Variants in NFATC2 observed in about 807,000 individuals in gnomAD.
NFATC2 encodes nuclear factor of activated T cells 2, also known as nuclear factor of activated T-cells, cytoplasmic 2.
Under a neutral mutation model 87.3 loss-of-function variants are expected in NFATC2, and 22 were observed. The observed-to-expected ratio is 0.25, with a 90% CI of 0.18 to 0.36. The LOEUF (loss-of-function observed/expected upper bound fraction) is 0.36. Among genes scored for constraint, NFATC2 ranks in the 10% least tolerant of loss-of-function variants. The probability of loss-of-function intolerance (pLI) is 1.00; values close to 1 mark genes in which losing one functional copy is unlikely to be tolerated. For synonymous variants in NFATC2, 565 were observed against 542.2 expected, an observed-to-expected ratio of 1.04 and a Z score of -0.58; for missense variants, 1,149 against 1,259.1, an observed-to-expected ratio of 0.91 and a Z score of 1.32.
At chr20:51,430,395 C>T (rs1204676628) in intron 9 of NFATC2, among the ~76,000 whole-genome samples, 10 of 152,210 alleles carry the variant, frequency 6.6e-5, no homozygotes, top group Admixed American at 5.9e-4. Context: ...GCACCAAAAC[C>T]TTATCTTCAC....
At chr20:51,459,370 G>A (rs998749929) in intron 5 of NFATC2, among the ~76,000 whole-genome samples, 3 of 152,174 alleles carry the variant, frequency 2.0e-5, no homozygotes, top group African/African-American at 7.2e-5. Context: ...GAGAGACGGA[G>A]AGCAGATCGG....
At chr20:51,420,530 CAAAT>C (rs1227744284) in intron 9 of NFATC2, among the ~76,000 whole-genome samples, 1 of 151,978 alleles carries the variant, frequency 6.6e-6, no homozygotes, top group African/African-American at 2.4e-5. Context: ...ATTTTTTCAA[CAAAT>C]AAATTGCAAT....
chr20:51,460,379 G>T (rs1987012316), intron 5 of NFATC2, among the ~76,000 whole-genome samples: 1 of 152,138 alleles, frequency 6.6e-6, no homozygotes, highest in African/African-American at 2.4e-5. Flanking sequence ...AAATGGGGCT[G>T]TTAACAGTCC....
At chr20:51,449,258 C>T (rs1985475501) in intron 6 of NFATC2, among the ~76,000 whole-genome samples, 2 of 152,124 alleles carry the variant, frequency 1.3e-5, no homozygotes. Context: ...AGAAGTTGAG[C>T]AACAGGGATT....
In NFATC2 at chr20:51,523,200, C is replaced by A. The variant is rs946463588; in HGVS notation, c.1041G>T (p.Pro347=). Residue 347 remains proline (P), a synonymous_variant, in exon 2 of 11, where the codon CCG becomes CCT. Transcript: ENST00000371564. The surrounding 1 kb of genome is among the most constrained non-coding windows in gnomAD (Gnocchi z 6.9). ...CGCAGGGCCCCAGGAACTCCACGGCCGGGTAGATGTGGCGAGGCAGGCCGG... is the reference window on the plus strand; with the variant it reads ...CGCAGGGCCCCAGGAACTCCACGGCAGGGTAGATGTGGCGAGGCAGGCCGG... The part of the protein sequence containing the change: ...SKAGLPRHIY[P]AVEFLGPCEQ... 1.2e-5 allele frequency: 19 copies of A among 1,614,074 alleles called. No homozygotes were observed. Among genetic ancestry groups the A allele is most frequent in the Non-Finnish European group, 1.6e-5 (19 of 1,179,954 alleles).
At chr20:51,531,996 C>T (rs1330031974) in intron 1 of NFATC2, among the ~76,000 whole-genome samples, 9 of 152,104 alleles carry the variant, frequency 5.9e-5, no homozygotes, top group Admixed American at 5.9e-4. Context: ...CTTCCAACAC[C>T]CTCTCCATTC....
intron 3 of NFATC2, among the ~76,000 whole-genome samples, chr20:51,479,856 G>A (rs759904751): frequency 5.9e-5 from 9 of 152,128 alleles, no homozygotes; most frequent in East Asian, 1.9e-4. Flanking sequence ...CTCAGGCTCC[G>A]AACCCACCCG....
At chr20:51,444,363 C>T (rs1322455580) in intron 6 of NFATC2, among the ~76,000 whole-genome samples, 2 of 151,860 alleles carry the variant, frequency 1.3e-5, no homozygotes, top group African/African-American at 4.8e-5. Context: ...GAATGGGCAT[C>T]GCTAACCAGC....
At chr20:51,447,534 G>A (rs989107408) in intron 6 of NFATC2, among the ~76,000 whole-genome samples, 2 of 152,220 alleles carry the variant, frequency 1.3e-5, no homozygotes, top group African/African-American at 4.8e-5. Flanking sequence ...CCCAGGCGCA[G>A]CGAGTCGCTC....
rs1043492223 is a variant in NFATC2, at chr20:51,390,478, G to C, written c.*1018C>G. 6.6e-6 allele frequency: 1 copy of C among 152,156 alleles called. No homozygotes were observed. Among genetic ancestry groups the C allele is most frequent in the Non-Finnish European group, 1.5e-5 (1 of 68,028 alleles). 9.4% of individuals were successfully genotyped at this position (152,156 alleles called of 1,614,324 possible). A position where few individuals can be genotyped will look rare whatever the true frequency, so the allele number is the denominator to read the frequency against. On this transcript the variant is annotated 3_prime_UTR_variant, in exon 11 of 11. Coordinates refer to ENST00000371564, the MANE Select transcript of NFATC2 (RefSeq NM_012340.5). ...TGCTTGAGATTCTCCACCGCTTTAC[G>C]GAAAAGCACTCTGGCTGCTAGGAAG...
At chr20:51,477,580 T>TATATATATATAA (rs1491275592) in intron 3 of NFATC2, among the ~76,000 whole-genome samples, 2 of 69,998 alleles carry the variant, frequency 2.9e-5, no homozygotes, top group Non-Finnish European at 6.4e-5. Context: ...TATATATATA[T>TATATATATATAA]AAAATAACAA....
intron 9 of NFATC2, among the ~76,000 whole-genome samples, chr20:51,425,311 T>C (rs531089470): frequency 2.2e-4 from 33 of 152,332 alleles, no homozygotes; most frequent in African/African-American, 7.2e-4. Flanking sequence ...GCCTGGCCTT[T>C]TATTGGTGTC....
At chr20:51,498,823 G>A (rs912334378) in intron 3 of NFATC2, among the ~76,000 whole-genome samples, 4 of 152,216 alleles carry the variant, frequency 2.6e-5, no homozygotes, top group Admixed American at 6.5e-5. Context: ...GATGATGGCA[G>A]GAGAGAAAGG....
chr20:51,523,966 A>G lies in NFATC2; in HGVS notation c.275T>C (p.Val92Ala), dbSNP rs772456842. The G allele has an allele frequency of 1.0e-5, 16 of 1,585,756 alleles. No homozygotes were observed. In the South Asian group the frequency reaches 1.8e-4, roughly 18 times the overall value. The change falls in exon 2 of 11, where the codon GTA (valine) becomes GCA (alanine). Residue 92 changes from valine (V) to alanine (A), a missense_variant. By Grantham distance (64) the Val-to-Ala change is moderately conservative. This residue lies in a region of NFATC2 where 563 missense variants were observed against 585.2 expected (regional missense o/e 0.96). Coordinates refer to ENST00000371564, the MANE Select transcript of NFATC2 (RefSeq NM_012340.5). The surrounding 1 kb of genome is among the most constrained non-coding windows in gnomAD (Gnocchi z 6.9). Reference protein sequence around the residue: ...PPGRFGEPDRVGPQKFLSAAK... With the variant: ...PPGRFGEPDRAGPQKFLSAAK... ...CGCGCTCAGAAACTTCTGCGGCCCT[A>G]CCCTATCCGGCTCTCCGAATCGGCC...
At chr20:51,509,438 C>T (rs1187049945) in intron 3 of NFATC2, among the ~76,000 whole-genome samples, 2 of 152,182 alleles carry the variant, frequency 1.3e-5, no homozygotes, top group Non-Finnish European at 2.9e-5. Flanking sequence ...AGCAAATGAA[C>T]CCCAGTGATC....
Position 51,391,451 on chromosome 20 carries a change from A to G in NFATC2, c.*45T>C, listed in dbSNP as rs752124691. On this transcript the variant is annotated splice_region_variant and 3_prime_UTR_variant, in exon 11 of 11. Transcript: ENST00000371564. Reference sequence around the variant, plus strand: ...AAACTCCTTCCTGATAATTTCATTAACTACAAAAGAAAAGAGGAGGGGGGG... The same window carrying G: ...AAACTCCTTCCTGATAATTTCATTAGCTACAAAAGAAAAGAGGAGGGGGGG... 1 of 1,271,040 alleles carries G rather than the reference A, an allele frequency of 7.9e-7. No homozygotes were observed. The highest frequency in any genetic ancestry group is 1.1e-6 in the Non-Finnish European group (1 of 930,814). 78.7% of individuals were successfully genotyped at this position (1,271,040 alleles called of 1,614,324 possible). A position where few individuals can be genotyped will look rare whatever the true frequency, so the allele number is the denominator to read the frequency against.
intron 5 of NFATC2, among the ~76,000 whole-genome samples, chr20:51,460,826 C>T (rs899552348): frequency 1.3e-5 from 2 of 152,084 alleles, no homozygotes; most frequent in African/African-American, 4.8e-5. Context: ...TCTCAGGTCA[C>T]CTGTAGCAGA....
intron 9 of NFATC2, among the ~76,000 whole-genome samples, chr20:51,431,664 T>C (rs1982728620): frequency 6.6e-6 from 1 of 152,042 alleles, no homozygotes; most frequent in African/African-American, 2.4e-5. Context: ...TAAAATGGGA[T>C]TTTTTTTCTG....
chr20:51,488,829 T>G (rs2075829380), intron 3 of NFATC2, among the ~76,000 whole-genome samples: 2 of 152,172 alleles, frequency 1.3e-5, no homozygotes, highest in Non-Finnish European at 2.9e-5. Flanking sequence ...GAGGGATCTT[T>G]TAAAAGCAAA....
Sources: gnomAD v4.1 joint callset for allele counts (sites outside exome capture counted in the v4.1 genomes callset) on GRCh38, gnomAD v4.1.1 for gene constraint, gnomAD v4.1.1 regional missense constraint, Gnocchi (gnomAD v3.1) non-coding constraint, MANE v1.5 for transcripts, NCBI Gene and HGNC (gene_info 2026-07-23, HGNC 2026-07-21) for gene names.